Variants in CCSER1 observed in about 807,000 individuals in gnomAD.
CCSER1 encodes serine-rich coiled-coil domain-containing protein 1.
In CCSER1, 41 loss-of-function variants were observed where a neutral mutation model predicts 82.0. The ratio of observed to expected loss-of-function variants is 0.50; its 90% CI spans 0.39 to 0.65. CCSER1 has a LOEUF of 0.65. Ranked by LOEUF, CCSER1 falls within the 30% of genes least tolerant of loss-of-function variation. CCSER1 has a pLI of 0.00. For missense variants in CCSER1, 1,119 were observed against 1,064.2 expected (o/e 1.05, Z -0.72); for synonymous variants, 414 against 383.9 (o/e 1.08, Z -0.92).
At chr4:91,585,466 T>C (rs1345728365) in intron 10 of CCSER1, among the ~76,000 whole-genome samples, 3 of 151,534 alleles carry the variant, frequency 2.0e-5, no homozygotes, top group South Asian at 2.1e-4. Flanking sequence ...GAGCACACTG[T>C]CTAAATTAGT....
In CCSER1 at chr4:91,192,826, G is replaced by A. The variant is rs145729636; in HGVS notation, c.2217+106832G>A. ...AATTTCTAACCTTAATTTTTGTAAT[G>A]TCTACAATAGACTCAGTGTCTCTGC... On this transcript the variant is annotated intron_variant, in intron 10 of 10. Transcript: ENST00000509176. Among the ~76,000 whole-genome samples, 1,179 of 151,832 alleles carry A rather than the reference G, an allele frequency of 7.8e-3. 19 individuals are homozygous for A. The highest frequency in any genetic ancestry group is 0.027 in the African/African-American group (1,104 of 41,364).
intron 10 of CCSER1, among the ~76,000 whole-genome samples, chr4:91,282,991 C>G (rs1370775724): frequency 6.6e-6 from 1 of 151,882 alleles, no homozygotes; most frequent in Non-Finnish European, 1.5e-5. Flanking sequence ...ATGTTCAATA[C>G]ATATTATTTA....
rs189161423 is a variant in CCSER1, at chr4:90,906,139, T to C, written c.2095-17231T>C. ...ACATCTAAAGCAACTGAGTAATTCC[T>C]CTAGTCACGTGTAATCTCTTTAGGT... On this transcript the variant is annotated intron_variant, in intron 8 of 10. Transcript: ENST00000509176. Among the ~76,000 whole-genome samples the C allele has an allele frequency of 4.6e-5, 7 of 152,320 alleles. No homozygotes were observed. The East Asian group carries it at 1.4e-3, about 29-fold the overall frequency.
chr4:90,132,923 A>C (rs946927809), intron 1 of CCSER1, among the ~76,000 whole-genome samples: 3 of 152,208 alleles, frequency 2.0e-5, no homozygotes, highest in African/African-American at 4.8e-5. Context: ...ATCTAGTGAC[A>C]ATTCTTAACC....
chr4:91,074,807 TATTA>T (rs1385169729), intron 9 of CCSER1, among the ~76,000 whole-genome samples: 2 of 152,204 alleles, frequency 1.3e-5, no homozygotes, highest in Non-Finnish European at 2.9e-5. Context: ...TTTTAAAAAT[TATTA>T]TTTTATTCAG....
chr4:90,563,350 T>C (rs1229525267), intron 5 of CCSER1, among the ~76,000 whole-genome samples: 1 of 151,098 alleles, frequency 6.6e-6, no homozygotes, highest in Non-Finnish European at 1.5e-5. Flanking sequence ...GACCTTGTGA[T>C]TTGCCCGCCT....
At chr4:91,340,336 A>C (rs2149286813) in intron 10 of CCSER1, among the ~76,000 whole-genome samples, 1 of 152,328 alleles carries the variant, frequency 6.6e-6, no homozygotes, top group East Asian at 1.9e-4. Context: ...CCAACAAATC[A>C]ATCACTGTCC....
chr4:91,197,092 A>G (rs1735498404), intron 10 of CCSER1, among the ~76,000 whole-genome samples: 1 of 152,196 alleles, frequency 6.6e-6, no homozygotes, highest in African/African-American at 2.4e-5. Context: ...CCAGAAACAC[A>G]TGAAAGAACT....
chr4:90,789,482 C>T (rs1213660191), intron 7 of CCSER1, among the ~76,000 whole-genome samples: 5 of 152,100 alleles, frequency 3.3e-5, no homozygotes, highest in South Asian at 2.1e-4. Flanking sequence ...CTCATACTCA[C>T]GTAGCCAATG....
intron 9 of CCSER1, among the ~76,000 whole-genome samples, chr4:91,077,296 G>A (rs760478465): frequency 4.6e-5 from 7 of 152,132 alleles, no homozygotes; most frequent in Admixed American, 2.6e-4. Context: ...AAAGGAATCA[G>A]TATCACTCAC....
chr4:90,185,681 A>G (rs1257450024), intron 1 of CCSER1, among the ~76,000 whole-genome samples: 2 of 152,080 alleles, frequency 1.3e-5, no homozygotes, highest in African/African-American at 4.8e-5. Context: ...CAAGCAAAAT[A>G]TTAGTCTTGT....
intron 9 of CCSER1, among the ~76,000 whole-genome samples, chr4:91,024,090 A>T (rs1740268292): frequency 6.6e-6 from 1 of 152,090 alleles, no homozygotes; most frequent in South Asian, 2.1e-4. Flanking sequence ...TTCCTCTTAT[A>T]AAGCCACGAG....
intron 1 of CCSER1, among the ~76,000 whole-genome samples, chr4:90,147,639 A>T (rs1322758501): frequency 1.3e-5 from 2 of 152,206 alleles, no homozygotes. Flanking sequence ...TATAATCCTG[A>T]TAATCTTCAT....
chr4:91,107,347 C>G (rs1418193642), intron 10 of CCSER1, among the ~76,000 whole-genome samples: 1 of 152,128 alleles, frequency 6.6e-6, no homozygotes, highest in African/African-American at 2.4e-5. Flanking sequence ...CTCCACCTCC[C>G]AGGTTCAAGT....
chr4:91,136,628 A>C (rs1169414886), intron 10 of CCSER1, among the ~76,000 whole-genome samples: 1 of 152,192 alleles, frequency 6.6e-6, no homozygotes, highest in Non-Finnish European at 1.5e-5. Context: ...TTATATTTAA[A>C]CTGTGAGATA....
At chr4:90,360,046 C>G (rs1745076289) in intron 3 of CCSER1, among the ~76,000 whole-genome samples, 1 of 148,530 alleles carries the variant, frequency 6.7e-6, no homozygotes, top group African/African-American at 2.4e-5. Flanking sequence ...GCCTCTCGAG[C>G]AGCAAGGGTT....
chr4:90,858,444 C>A (rs918412261), intron 8 of CCSER1, among the ~76,000 whole-genome samples: 7 of 151,900 alleles, frequency 4.6e-5, no homozygotes, highest in Non-Finnish European at 7.4e-5. Context: ...GAACCTTCAA[C>A]CTCAGTGGTA....
intron 10 of CCSER1, among the ~76,000 whole-genome samples, chr4:91,358,786 C>T (rs552717229): frequency 1.1e-4 from 17 of 152,208 alleles, no homozygotes; most frequent in African/African-American, 2.2e-4. Context: ...GCTGCTCTGG[C>T]GAGGTGTTCC....
chr4:90,853,644 A>G (rs986038380), intron 8 of CCSER1, among the ~76,000 whole-genome samples: 5 of 152,260 alleles, frequency 3.3e-5, no homozygotes, highest in Middle Eastern at 6.8e-3. Context: ...ATTTATTACA[A>G]TTAAAACAAC....
Sources: gnomAD v4.1 joint callset for allele counts (sites outside exome capture counted in the v4.1 genomes callset) on GRCh38, gnomAD v4.1.1 for gene constraint, MANE v1.5 for transcripts, NCBI Gene and HGNC (gene_info 2026-07-23, HGNC 2026-07-21) for gene names.